Variants in GOLGA8T observed in about 807,000 individuals in gnomAD.
GOLGA8T encodes the protein golgin A8 family member T.
A neutral mutation model predicts 52.0 loss-of-function variants in GOLGA8T; 17 were observed. That is an observed-to-expected ratio of 0.33 (90% CI 0.22 to 0.49). GOLGA8T has a LOEUF of 0.49. Ranked by LOEUF, GOLGA8T falls within the 20% of genes least tolerant of loss-of-function variation. GOLGA8T has a pLI of 0.99. For missense variants in GOLGA8T, 154 were observed against 462.1 expected (o/e 0.33, Z 6.11); for synonymous variants, 67 against 169.5 (o/e 0.40, Z 4.70).
At position 30,140,890 on chromosome 15, in the gene GOLGA8T, A is replaced by T. The variant is rs1424269030; in HGVS notation, c.640A>T (p.Met214Leu). 2.6e-6 allele frequency: 4 copies of T among 1,555,980 alleles called. 1 individual carries two copies. The highest frequency in any genetic ancestry group is 3.4e-6 in the Non-Finnish European group (4 of 1,160,476). The stretch of plus-strand genomic sequence containing the variant: ...TACGGAGTGGAAGTTAGAGCAGTCC[A>T]TGCGGGAGGAGACACTACTGAAAGT... ...ARTEWKLEQSMREETLLKVQL... is the reference protein window; with the variant it reads ...ARTEWKLEQSLREETLLKVQL... Residue 214 changes from methionine (M) to leucine (L), a missense_variant, in exon 9 of 19, where the codon ATG (methionine) becomes TTG (leucine). Transcript: ENST00000569052.
intron 1 of GOLGA8T, 130 bp from the exon 2 acceptor site, chr15:30,136,733 GACA>G (rs2057694792): frequency 1.5e-6 from 1 of 687,238 alleles, no homozygotes; most frequent in East Asian, 2.8e-5. Context: ...AAATGAGTGT[GACA>G]ACACCTTGTA....
At position 30,141,424 on chromosome 15, in the gene GOLGA8T, G is replaced by A. The variant is rs750431342; in HGVS notation, c.873G>A (p.Met291Ile). ...ERSLSKLKNQ[M>I]AEPLPPEPPA... Reference sequence around the variant, plus strand: ...GCTTGTCCAAACTCAAAAACCAGATGGGTAAGATGGGGCTGGCATGACCTA... The same window carrying A: ...GCTTGTCCAAACTCAAAAACCAGATAGGTAAGATGGGGCTGGCATGACCTA... Residue 291 changes from methionine to isoleucine, a missense_variant and splice_region_variant, in exon 11 of 19, where the codon ATG becomes ATA. Met to Ile is a conservative substitution (Grantham distance 10). This residue lies in a region of GOLGA8T where 56 missense variants were observed against 134.2 expected (regional missense o/e 0.42). Transcript: ENST00000569052. The A allele has an allele frequency of 2.6e-6, 4 of 1,527,728 alleles. 1 individual carries two copies. Among genetic ancestry groups the A allele is most frequent in the Non-Finnish European group, 3.5e-6 (4 of 1,151,910 alleles). 94.6% of individuals were successfully genotyped at this position (1,527,728 alleles called of 1,614,324 possible). A position where few individuals can be genotyped will look rare whatever the true frequency, so the allele number is the denominator to read the frequency against.
chr15:30,140,080 A>T (rs2057720252), intron 8 of GOLGA8T: 1 of 573,258 alleles, frequency 1.7e-6, no homozygotes, highest in African/African-American at 3.2e-5. Flanking sequence ...GGTATTGGGT[A>T]CTTGTACTGT....
chr15:30,148,667 A>T lies in GOLGA8T; in HGVS notation c.*3100A>T, dbSNP rs2057848065. 1.4e-5 allele frequency among the ~76,000 whole-genome samples: 2 copies of T among 145,954 alleles called. 1 individual carries two copies. On this transcript the variant is annotated 3_prime_UTR_variant, in exon 19 of 19. Transcript: ENST00000569052. ...TATTGTAAACAGAATGTGTCATGGAAATACTGAAAGATTTTTCCCTAGAGT... is the reference window on the plus strand; with the variant it reads ...TATTGTAAACAGAATGTGTCATGGATATACTGAAAGATTTTTCCCTAGAGT...
At position 30,141,309 on chromosome 15, in the gene GOLGA8T, A is replaced by G. The variant is rs765291612; in HGVS notation, c.787-29A>G. 34 of 1,551,468 alleles carry G rather than the reference A, an allele frequency of 2.2e-5. 2 individuals carry two copies. Among genetic ancestry groups the G allele is most frequent in the Non-Finnish European group, 2.6e-5 (30 of 1,159,256 alleles). On this transcript the variant is annotated intron_variant, in intron 10 of 18. Coordinates refer to ENST00000569052, the MANE Select transcript of GOLGA8T (RefSeq NM_001355469.2). ...TGTCCAGCCACCAGCCCCTCTCTCC[A>G]AGGCCCTTTCCCCTTGTGCTTTGGG...
chr15:30,144,984 C>A lies in GOLGA8T; in HGVS notation c.1492C>A (p.Pro498Thr), dbSNP rs1174255009. The change falls in exon 17 of 19, where the codon CCA (proline) becomes ACA (threonine). Residue 498 changes from proline (P) to threonine (T), a missense_variant. This residue lies in a region of GOLGA8T where 22 missense variants were observed against 181.2 expected (regional missense o/e 0.12). Coordinates refer to ENST00000569052, the MANE Select transcript of GOLGA8T (RefSeq NM_001355469.2). Reference protein sequence around the residue: ...HQKTHHLLSEPGGCAKDAALG... With the variant: ...HQKTHHLLSETGGCAKDAALG... ...GAAAACCCATCACCTTTTATCAGAA[C>A]CAGGGGGCTGTGCCAAAGATGCGGC... is the stretch of plus-strand genomic sequence containing the variant. The A allele has an allele frequency of 7.2e-7, 1 of 1,397,420 alleles. No individual in the cohort carries two copies. Among genetic ancestry groups the A allele is most frequent in the Non-Finnish European group, 9.6e-7 (1 of 1,042,050 alleles). 86.6% of individuals were successfully genotyped at this position (1,397,420 alleles called of 1,614,324 possible). A position where few individuals can be genotyped will look rare whatever the true frequency, so the allele number is the denominator to read the frequency against.
Position 30,144,833 on chromosome 15 carries a change from A to C in GOLGA8T, c.1423A>C (p.Lys475Gln). 1 of 1,560,594 alleles carries C rather than the reference A, an allele frequency of 6.4e-7. No homozygotes were observed. The highest frequency in any genetic ancestry group is 8.6e-7 in the Non-Finnish European group (1 of 1,158,304). ...EKADLSELVK[K>Q]ELCFIHHWRD... Reference sequence around the variant, plus strand: ...GGCAGACCTGAGTGAGCTGGTGAAAAAAGAACTCTGCTTCATCCACCACTG... The same window carrying C: ...GGCAGACCTGAGTGAGCTGGTGAAACAAGAACTCTGCTTCATCCACCACTG... Residue 475 changes from lysine (K) to glutamine (Q), a missense_variant, in exon 16 of 19, where the codon AAA becomes CAA. By Grantham distance (53) the Lys-to-Gln change is moderately conservative. Coordinates refer to ENST00000569052, the MANE Select transcript of GOLGA8T (RefSeq NM_001355469.2).
chr15:30,141,568 G>C (rs1385968676), intron 11 of GOLGA8T, 143 bp downstream of exon 11: 2 of 854,370 alleles, frequency 2.3e-6, no homozygotes, highest in Non-Finnish European at 1.8e-6. Flanking sequence ...GGCGAGTCTT[G>C]TCATCTCAAT....
intron 11 of GOLGA8T, among the ~76,000 whole-genome samples, 152 bp downstream of exon 11, chr15:30,141,577 A>G (rs1480295650): frequency 1.1e-4 from 14 of 123,658 alleles, no homozygotes; most frequent in Admixed American, 4.4e-4. Flanking sequence ...TGTCATCTCA[A>G]TGAGTCTCAG....
rs772471520 is a variant in GOLGA8T, at chr15:30,140,929, G to T, written c.678+1G>T. On this transcript the variant is annotated splice_donor_variant, in intron 9 of 18. Transcript: ENST00000569052. LOFTEE classifies it high-confidence loss of function. ...ACTACTGAAAGTGCAGCTGACACAG[G>T]TGAGGTTTTCTGAGGGAGTTATGTG... 6.4e-7 allele frequency: 1 copy of T among 1,559,184 alleles called. No homozygotes were observed. The highest frequency in any genetic ancestry group is 2.3e-5 in the East Asian group (1 of 43,778).
intron 2 of GOLGA8T, among the ~76,000 whole-genome samples, chr15:30,137,390 A>T (rs1478919626): frequency 1.7e-5 from 2 of 116,904 alleles, no homozygotes; most frequent in African/African-American, 7.1e-5. Context: ...AAAAAAAAAA[A>T]AAAAGGAATT....
chr15:30,142,020 C>T lies in GOLGA8T; in HGVS notation c.1093C>T (p.Gln365Ter). Residue 365 changes from glutamine (Q) to a stop codon, truncating the protein, a stop_gained, in exon 12 of 19, where the codon CAG (glutamine) becomes TAG (stop). Coordinates refer to ENST00000569052, the MANE Select transcript of GOLGA8T (RefSeq NM_001355469.2). LOFTEE classifies it high-confidence loss of function. ...GATTCAGGAGCAGCACAAGAGCCTT[C>T]AGCAGCTGGCCAAGCCACAGAGCGT... is the stretch of plus-strand genomic sequence containing the variant. ...ERIQEQHKSLQQLAKPQSVFE... is the reference protein window; with the variant it reads ...ERIQEQHKSL 1 of 419,956 alleles carries T rather than the reference C, an allele frequency of 2.4e-6. No individual in the cohort carries two copies. Among genetic ancestry groups the T allele is most frequent in the Non-Finnish European group, 3.9e-6 (1 of 257,250 alleles). 26.0% of individuals were successfully genotyped at this position (419,956 alleles called of 1,614,324 possible). A position where few individuals can be genotyped will look rare whatever the true frequency, so the allele number is the denominator to read the frequency against.
intron 8 of GOLGA8T, among the ~76,000 whole-genome samples, chr15:30,140,621 C>A (rs2057729831): frequency 6.9e-6 from 1 of 144,418 alleles, no homozygotes; most frequent in Non-Finnish European, 1.5e-5. Flanking sequence ...GCAATATTAT[C>A]TGATCTCTCT....
rs771578350 is a variant in GOLGA8T at position 30,141,389 on chromosome 15, C to G, written c.838C>G (p.Leu280Val). 15 of 1,541,766 alleles carry G rather than the reference C, an allele frequency of 9.7e-6. 2 individuals are homozygous for G. In the African/African-American group the frequency reaches 2.5e-4, roughly 26 times the overall value. The change falls in exon 11 of 19, where the codon CTG becomes GTG. Residue 280 changes from leucine (L) to valine (V), a missense_variant. This residue lies in a region of GOLGA8T where 56 missense variants were observed against 134.2 expected (regional missense o/e 0.42). Transcript: ENST00000569052. ...KQQDMRRVEE[L>V]ERSLSKLKNQ... ...GCAAGATATGCGTCGGGTAGAGGAGCTGGAGAGGAGCTTGTCCAAACTCAA... is the reference window on the plus strand; with the variant it reads ...GCAAGATATGCGTCGGGTAGAGGAGGTGGAGAGGAGCTTGTCCAAACTCAA...
Position 30,140,889 on chromosome 15 carries a change from C to T in GOLGA8T, c.639C>T (p.Ser213=), listed in dbSNP as rs1412808337. Reference sequence around the variant, plus strand: ...GTACGGAGTGGAAGTTAGAGCAGTCCATGCGGGAGGAGACACTACTGAAAG... The same window carrying T: ...GTACGGAGTGGAAGTTAGAGCAGTCTATGCGGGAGGAGACACTACTGAAAG... ...KARTEWKLEQ[S]MREETLLKVQ... The change falls in exon 9 of 19, where the codon TCC becomes TCT. Residue 213 remains serine, a synonymous_variant. Transcript: ENST00000569052. 1 of 1,556,652 alleles carries T rather than the reference C, an allele frequency of 6.4e-7. No homozygotes were observed. Among genetic ancestry groups the T allele is most frequent in the Middle Eastern group, 2.1e-4 (1 of 4,684 alleles).
intron 1 of GOLGA8T, among the ~76,000 whole-genome samples, chr15:30,136,464 G>A (rs1817937205): frequency 1.3e-5 from 2 of 148,484 alleles, no homozygotes; most frequent in African/African-American, 5.0e-5. Flanking sequence ...AGGACACATT[G>A]ATATAAGAGT....
At chr15:30,137,555 GT>G (rs1381259109) in intron 2 of GOLGA8T, among the ~76,000 whole-genome samples, 1 of 131,684 alleles carries the variant, frequency 7.6e-6, no homozygotes, top group African/African-American at 3.5e-5. Context: ...TGTTATTGTT[GT>G]TTTTATGTTA....
In GOLGA8T at chr15:30,145,531, C is replaced by T; in HGVS notation, c.1860C>T (p.Phe620=). 1.3e-6 allele frequency: 2 copies of T among 1,521,234 alleles called. No homozygotes were observed. Among genetic ancestry groups the T allele is most frequent in the Non-Finnish European group, 1.7e-6 (2 of 1,150,370 alleles). 94.2% of individuals were successfully genotyped at this position (1,521,234 alleles called of 1,614,324 possible). The change falls in exon 19 of 19, where the codon TTC becomes TTT. Residue 620 remains phenylalanine (F), a synonymous_variant. Transcript: ENST00000569052. The stretch of plus-strand genomic sequence containing the variant: ...TGGGCAGCAACTGCTGTGTGCCATT[C>T]TTGTGCTGGGCTTGGCTGCCAAGAA... ...PGLGSNCCVP[F]LCWAWLPRRR...
intron 8 of GOLGA8T, 127 bp from the exon 9 acceptor site, chr15:30,140,715 G>A (rs1595415118): frequency 1.3e-6 from 1 of 794,408 alleles, no homozygotes; most frequent in African/African-American, 2.0e-5. Context: ...CCAGACCACG[G>A]GCTTGGAAAT....
Sources: allele counts gnomAD v4.1 joint callset (sites outside exome capture counted in the v4.1 genomes callset), GRCh38; gene constraint gnomAD v4.1.1; regional missense constraint gnomAD v4.1.1; transcripts MANE v1.5; gene names NCBI Gene and HGNC (gene_info 2026-07-23, HGNC 2026-07-21).